The following SPAG16 variants were observed in gnomAD, a reference collection of about 807,000 sequenced individuals.
The protein encoded by SPAG16 is sperm associated antigen 16.
SPAG16 carries 86 observed loss-of-function variants against 80.4 expected under a neutral mutation model. The observed-to-expected ratio is 1.07, with a 90% CI of 0.90 to 1.28. SPAG16 has a LOEUF of 1.28. SPAG16 is among the 50% of genes most tolerant of loss of function. SPAG16 has a pLI of 0.00. For synonymous variants in SPAG16, 294 were observed against 265.9 expected, an observed-to-expected ratio of 1.11 and a Z score of -1.03; for missense variants, 870 against 765.3, an observed-to-expected ratio of 1.14 and a Z score of -1.61.
chr2:213,737,475 A>G (rs1574988723), intron 10 of SPAG16, among the ~76,000 whole-genome samples: 1 of 143,162 alleles, frequency 7.0e-6, no homozygotes, highest in Non-Finnish European at 1.5e-5. Context: ...TTTTCTCCTT[A>G]CTTTTTCTTT....
intron 8 of SPAG16, among the ~76,000 whole-genome samples, chr2:213,366,372 T>C (rs1451557575): frequency 6.6e-6 from 1 of 151,976 alleles, no homozygotes; most frequent in East Asian, 1.9e-4. Flanking sequence ...TGTGTTGAAA[T>C]TGTTGAAAAT....
chr2:213,320,182 A>T (rs2063556412), intron 5 of SPAG16, among the ~76,000 whole-genome samples: 1 of 151,928 alleles, frequency 6.6e-6, no homozygotes, highest in African/African-American at 2.4e-5. Context: ...TGTAGAATGA[A>T]GTTTTGTTTC....
At chr2:214,259,690 T>C (rs190789402) in intron 15 of SPAG16, among the ~76,000 whole-genome samples, 1 of 152,204 alleles carries the variant, frequency 6.6e-6, no homozygotes, top group East Asian at 1.9e-4. Flanking sequence ...GGTTCCTTTG[T>C]GTAGCTTTGT....
intron 12 of SPAG16, among the ~76,000 whole-genome samples, chr2:213,957,453 CT>C (rs144878230): frequency 1.4e-3 from 202 of 147,530 alleles, no homozygotes; most frequent in African/African-American, 3.9e-3. Context: ...TTTGCATGAA[CT>C]TTTTTTTTTT....
rs181126875 is a variant in SPAG16 at position 213,391,953 on chromosome 2, T to A, written c.942+16834T>A. On this transcript the variant is annotated intron_variant, in intron 9 of 15. Transcript: ENST00000331683. ...ATGTTTGCATGTCCCCTGTTACATATTTAAAAGTGCTTCTGTGCTCATAAA... is the reference window on the plus strand; with the variant it reads ...ATGTTTGCATGTCCCCTGTTACATAATTAAAAGTGCTTCTGTGCTCATAAA... Among the ~76,000 whole-genome samples, 18 of 152,346 alleles carry A rather than the reference T, an allele frequency of 1.2e-4. No individual in the cohort carries two copies. The East Asian group carries it at 3.1e-3, about 26-fold the overall frequency.
chr2:214,131,950 A>G (rs1332256911), intron 14 of SPAG16, among the ~76,000 whole-genome samples: 2 of 152,098 alleles, frequency 1.3e-5, no homozygotes, highest in East Asian at 1.9e-4. Flanking sequence ...GATGATGAAG[A>G]TGTGCTAATG....
chr2:214,318,079 T>C (rs562020229), intron 15 of SPAG16, among the ~76,000 whole-genome samples: 1 of 152,346 alleles, frequency 6.6e-6, no homozygotes, highest in South Asian at 2.1e-4. Context: ...AAGATAGTTA[T>C]GATGTAAGAT....
intron 15 of SPAG16, among the ~76,000 whole-genome samples, chr2:214,393,559 AAATAT>A (rs761754517): frequency 3.6e-4 from 54 of 150,974 alleles, no homozygotes; most frequent in Non-Finnish European, 7.3e-4. Flanking sequence ...TAATTATATA[AAATAT>A]AATTAATGAA....
In SPAG16 at chr2:214,132,252, A is replaced by G. The variant is rs73076883; in HGVS notation, c.1594-16888A>G. ...TCATTTGTTCAAATATTTACTAAGT[A>G]TATAATATAAACCCAAAACTGAATG... On this transcript the variant is annotated intron_variant, in intron 14 of 15. Transcript: ENST00000331683. Among the ~76,000 whole-genome samples the G allele has an allele frequency of 5.6e-3, 856 of 152,344 alleles. 7 individuals are homozygous for G. Among genetic ancestry groups the G allele is most frequent in the African/African-American group, 0.02 (833 of 41,582 alleles).
intron 7 of SPAG16, among the ~76,000 whole-genome samples, chr2:213,361,378 G>GTATA (rs1553637401): frequency 6.8e-6 from 1 of 147,034 alleles, no homozygotes; most frequent in African/African-American, 2.5e-5. Flanking sequence ...GTGTGTGTGT[G>GTATA]TATATATATA....
chr2:214,322,795 G>A (rs1696192281), intron 15 of SPAG16, among the ~76,000 whole-genome samples: 1 of 152,124 alleles, frequency 6.6e-6, no homozygotes. Context: ...TCGGTAATAA[G>A]CTATGCCCCC....
chr2:213,424,996 A>G (rs1335331424), intron 9 of SPAG16, among the ~76,000 whole-genome samples: 1 of 152,208 alleles, frequency 6.6e-6, no homozygotes, highest in Non-Finnish European at 1.5e-5. Flanking sequence ...TGTCAGGAAT[A>G]AGGGATATAC....
Position 214,377,354 on chromosome 2 carries a change from G to GA in SPAG16, c.1721-32780dup, listed in dbSNP as rs561140264. 1.3e-3 allele frequency among the ~76,000 whole-genome samples: 196 copies of GA among 152,270 alleles called. 1 individual carries two copies. Among genetic ancestry groups the GA allele is most frequent in the African/African-American group, 4.2e-3 (176 of 41,544 alleles). ...GCAGAGAAAAGTCTTAACATTATGA[G>GA]AAAAAAGTTGAATTGCTTGATATGT... On this transcript the variant is annotated intron_variant, in intron 15 of 15. Transcript: ENST00000331683.
chr2:214,318,196 T>G (rs570768959), intron 15 of SPAG16, among the ~76,000 whole-genome samples: 4 of 152,238 alleles, frequency 2.6e-5, no homozygotes, highest in African/African-American at 7.2e-5. Flanking sequence ...TATGCACTTC[T>G]GTGCCCATTA....
At chr2:213,797,046 A>G (rs2071085524) in intron 10 of SPAG16, among the ~76,000 whole-genome samples, 1 of 89,474 alleles carries the variant, frequency 1.1e-5, no homozygotes, top group African/African-American at 2.8e-5. Context: ...CAAAAAAATT[A>G]AAATTAAAAA....
chr2:213,369,475 A>G (rs1448672577), intron 8 of SPAG16, among the ~76,000 whole-genome samples: 3 of 152,322 alleles, frequency 2.0e-5, no homozygotes, highest in East Asian at 1.9e-4. Flanking sequence ...TGGTAGTTAC[A>G]TGCCTGTTTA....
At chr2:213,969,866 G>GT (rs1410710631) in intron 12 of SPAG16, among the ~76,000 whole-genome samples, 1 of 151,804 alleles carries the variant, frequency 6.6e-6, no homozygotes, top group Non-Finnish European at 1.5e-5. Flanking sequence ...TTATTTAACA[G>GT]TTAAAAAAAA....
intron 13 of SPAG16, among the ~76,000 whole-genome samples, chr2:214,076,553 G>C (rs1265154417): frequency 7.0e-6 from 1 of 142,152 alleles, no homozygotes; most frequent in Non-Finnish European, 1.5e-5. Context: ...CTGTGTGTGT[G>C]TGTGTGTGTG....
intron 10 of SPAG16, among the ~76,000 whole-genome samples, chr2:213,653,102 T>C (rs1312575432): frequency 2.4e-5 from 3 of 123,864 alleles, no homozygotes; most frequent in Non-Finnish European, 3.5e-5. Context: ...GTGGCATCAC[T>C]GGGTCAAAGA....
Sources: gnomAD v4.1 joint callset for allele counts (sites outside exome capture counted in the v4.1 genomes callset) on GRCh38, gnomAD v4.1.1 for gene constraint, MANE v1.5 for transcripts, NCBI Gene and HGNC (gene_info 2026-07-23, HGNC 2026-07-21) for gene names.